Variants in KCTD14 observed in about 807,000 individuals in gnomAD.
KCTD14 encodes the protein BTB/POZ domain-containing protein KCTD14.
In KCTD14, 7 loss-of-function variants were observed where a neutral mutation model predicts 5.9. The ratio of observed to expected loss-of-function variants is 1.19; its 90% confidence interval spans 0.68 to 2.23. The LOEUF is 2.23. Among genes scored for constraint, KCTD14 ranks in the 30% most tolerant of loss-of-function variants. The probability of loss-of-function intolerance (pLI) is 0.00; values close to 1 mark genes in which losing one functional copy is unlikely to be tolerated. For synonymous variants in KCTD14, 140 were observed against 133.1 expected (o/e 1.05, Z -0.36); for missense variants, 342 against 332.2 (o/e 1.03, Z -0.23).
chr11:78,018,622 G>A (rs894609014), intron 1 of KCTD14, among the ~76,000 whole-genome samples: 6 of 151,750 alleles, frequency 4.0e-5, no homozygotes, highest in South Asian at 2.1e-4. Context: ...CAGGAGAATC[G>A]CTTGAACCCA....
At position 78,016,371 on chromosome 11, in the gene KCTD14, G is replaced by A. The variant is rs570672345; in HGVS notation, c.*222C>T. On this transcript the variant is annotated 3_prime_UTR_variant, in exon 2 of 2. Coordinates refer to ENST00000353172, the MANE Select transcript of KCTD14 (RefSeq NM_023930.4). Reference sequence around the variant, plus strand: ...AGAGAAGGGTCTGGGAGATACATGAGGCTTTGAAAAGGAAGTAGCTGCAAG... The same window carrying A: ...AGAGAAGGGTCTGGGAGATACATGAAGCTTTGAAAAGGAAGTAGCTGCAAG... 5.1e-6 allele frequency: 3 copies of A among 582,694 alleles called. No homozygotes were observed. Among genetic ancestry groups the A allele is most frequent in the Admixed American group, 3.1e-5 (1 of 32,458 alleles). 36.1% of individuals were successfully genotyped at this position (582,694 alleles called of 1,614,324 possible).
intron 2 of KCTD14, among the ~76,000 whole-genome samples, chr11:78,029,112 G>C (rs1271232932): frequency 1.3e-5 from 2 of 151,588 alleles, no homozygotes; most frequent in East Asian, 1.9e-4. Context: ...TTGAACCCGG[G>C]AGGCGGAGGT....
intron 1 of KCTD14, among the ~76,000 whole-genome samples, chr11:78,017,516 C>T (rs1452629771): frequency 6.7e-6 from 1 of 150,128 alleles, no homozygotes; most frequent in Non-Finnish European, 1.5e-5. Context: ...GGTGCAATCT[C>T]GGCTCACTGC....
chr11:78,023,087 T>C (rs1857348574), intron 1 of KCTD14, 73 bp downstream of exon 1: 1 of 1,048,506 alleles, frequency 9.5e-7, no homozygotes, highest in South Asian at 1.5e-5. Flanking sequence ...CAGGAGAAAC[T>C]GGAAGGGAGG....
chr11:78,045,956 C>G (rs1233073561), intron 1 of KCTD14: 2 of 255,076 alleles, frequency 7.8e-6, no homozygotes, highest in African/African-American at 4.6e-5. Context: ...CGCAGGGAGG[C>G]TGCCGGTCCT....
At position 78,016,317 on chromosome 11, in the gene KCTD14, T is replaced by C; in HGVS notation, c.*276A>G. The C allele has an allele frequency of 2.1e-6, 1 of 476,744 alleles. No individual in the cohort carries two copies. The highest frequency in any genetic ancestry group is 3.7e-6 in the Non-Finnish European group (1 of 267,196). The allele number at this position is 476,744 out of a possible 1,614,324, so 29.5% of individuals were successfully genotyped here. On this transcript the variant is annotated 3_prime_UTR_variant, in exon 2 of 2. Coordinates refer to ENST00000353172, the MANE Select transcript of KCTD14 (RefSeq NM_023930.4). ...CTCTTGCCAACGCATTGTTGAAACA[T>C]TCTTACTTGGTCTTGTTATTGGACT... is the stretch of plus-strand genomic sequence containing the variant.
At chr11:78,030,540 C>A (rs1463178704) in intron 2 of KCTD14, among the ~76,000 whole-genome samples, 2 of 152,218 alleles carry the variant, frequency 1.3e-5, no homozygotes, top group Non-Finnish European at 2.9e-5. Context: ...TCAAACAGCC[C>A]CTTGCTATTG....
chr11:78,023,316 A>G (rs920570154), upstream of KCTD14: 6 of 1,512,314 alleles, frequency 4.0e-6, no homozygotes, highest in African/African-American at 6.8e-5. Context: ...CCGAGGCTCA[A>G]GGCGGGACGG....
At chr11:78,038,840 G>A (rs961465250) in intron 1 of KCTD14, 2 of 1,481,586 alleles carry the variant, frequency 1.3e-6, no homozygotes, top group Non-Finnish European at 1.8e-6. Context: ...CCCAGGCCAG[G>A]AGCCTGACTG....
chr11:78,033,096 C>G (rs1417682469), intron 2 of KCTD14, among the ~76,000 whole-genome samples: 1 of 152,158 alleles, frequency 6.6e-6, no homozygotes, highest in Non-Finnish European at 1.5e-5. Flanking sequence ...TCCCTTCCAA[C>G]TCTATCAGTC....
chr11:78,039,811 G>A (rs950341142), intron 1 of KCTD14, among the ~76,000 whole-genome samples: 4 of 151,818 alleles, frequency 2.6e-5, no homozygotes, highest in African/African-American at 9.7e-5. Flanking sequence ...CCATATGAAG[G>A]GCTCTTCTGT....
Position 78,016,481 on chromosome 11 carries a change from A to G in KCTD14, c.*112T>C. ...TCAATATTTAGTGGCAAGACTCTAG[A>G]CCAACCCTGGAAATTGCCTGATGTT... is the stretch of plus-strand genomic sequence containing the variant. On this transcript the variant is annotated 3_prime_UTR_variant, in exon 2 of 2. Transcript: ENST00000353172. 1.1e-6 allele frequency: 1 copy of G among 931,522 alleles called. No individual in the cohort carries two copies. Among genetic ancestry groups the G allele is most frequent in the Non-Finnish European group, 1.6e-6 (1 of 622,878 alleles). The allele number at this position is 931,522 out of a possible 1,614,324, so 57.7% of individuals were successfully genotyped here.
intron 2 of KCTD14, among the ~76,000 whole-genome samples, chr11:78,034,457 T>TTCTC (rs139232522): frequency 5.4e-5 from 8 of 148,824 alleles, no homozygotes; most frequent in Admixed American, 6.7e-5. Flanking sequence ...GTCTTAATCT[T>TTCTC]TCTCTCTCTC....
At chr11:78,032,605 C>T (rs1414576989) in intron 2 of KCTD14, among the ~76,000 whole-genome samples, 2 of 146,398 alleles carry the variant, frequency 1.4e-5, no homozygotes, top group African/African-American at 5.2e-5. Flanking sequence ...CTCTGTTGTC[C>T]ACACCCTGCC....
chr11:78,023,253 G>T lies in KCTD14; in HGVS notation c.-4C>A, dbSNP rs1436842620. The T allele has an allele frequency of 6.2e-7, 1 of 1,609,082 alleles. No homozygotes were observed. The highest frequency in any genetic ancestry group is 8.5e-7 in the Non-Finnish European group (1 of 1,179,710). ...CCACTGCGCAGCCCTGCCACATGCA[G>T]ATCACTTGGGCCAGCGGAAGTGCCC... On this transcript the variant is annotated 5_prime_UTR_variant, in exon 1 of 2. It adds an upstream start codon to the 5' untranslated region. Coordinates refer to ENST00000353172, the MANE Select transcript of KCTD14 (RefSeq NM_023930.4).
At chr11:78,039,883 C>T (rs1857942675) in intron 1 of KCTD14, among the ~76,000 whole-genome samples, 1 of 152,160 alleles carries the variant, frequency 6.6e-6, no homozygotes, top group African/African-American at 2.4e-5. Context: ...ATCTACTAAG[C>T]CACATTTTAC....
Position 78,021,636 on chromosome 11 carries a change from C to T in KCTD14, c.90+1524G>A, listed in dbSNP as rs373339749. Among the ~76,000 whole-genome samples, 107 of 152,220 alleles carry T rather than the reference C, an allele frequency of 7.0e-4. 3 individuals are homozygous for T. In the South Asian group the frequency reaches 0.022, roughly 31 times the overall value. On this transcript the variant is annotated intron_variant, in intron 1 of 1. Transcript: ENST00000353172. ...GTTTTGCCATGTTGGCCAGGCTGGC[C>T]TCGAACGCCTGAGGTAGGTGGTCCA...
intron 1 of KCTD14, among the ~76,000 whole-genome samples, chr11:78,019,909 T>A (rs1336925136): frequency 6.6e-6 from 1 of 152,180 alleles, no homozygotes; most frequent in Non-Finnish European, 1.5e-5. Flanking sequence ...GAGCTCTTAG[T>A]CATTACATAA....
chr11:78,040,904 A>G (rs1857974081), intron 1 of KCTD14, among the ~76,000 whole-genome samples: 1 of 152,152 alleles, frequency 6.6e-6, no homozygotes, highest in African/African-American at 2.4e-5. Flanking sequence ...TCCTGACCTC[A>G]GGTGACCCGC....
Sources: gnomAD v4.1 joint callset for allele counts (sites outside exome capture counted in the v4.1 genomes callset) on GRCh38, gnomAD v4.1.1 for gene constraint, MANE v1.5 for transcripts, NCBI Gene and HGNC (gene_info 2026-07-23, HGNC 2026-07-21) for gene names.